Variants in SCRG1 observed in about 807,000 individuals in gnomAD.
SCRG1 encodes scrapie-responsive protein 1.
SCRG1 carries 3 observed loss-of-function variants against 7.7 expected under a neutral mutation model. The observed-to-expected ratio is 0.39, with a 90% confidence interval of 0.18 to 1.01. The LOEUF (loss-of-function observed/expected upper bound fraction) is 1.01, where lower values mean the gene tolerates loss of function less well. SCRG1 is among the 50% of genes least tolerant of loss of function. The pLI is 0.36. For missense variants in SCRG1, 110 were observed against 117.2 expected (o/e 0.94, Z 0.28); for synonymous variants, 46 against 41.2 (o/e 1.12, Z -0.44).
chr4:173,389,079 A>G (rs111806615), intron 2 of SCRG1, among the ~76,000 whole-genome samples: 2,861 of 152,276 alleles, frequency 0.019, 90 homozygotes, highest in African/African-American at 0.065. Flanking sequence ...AAAAAAGCAA[A>G]CATGGCATTT....
chr4:173,483,990 A>G, the SCRG1 span, among the ~76,000 whole-genome samples: 1 of 61,764 alleles, frequency 1.6e-5, no homozygotes, highest in African/African-American at 5.1e-5. Flanking sequence ...AGTATATTAT[A>G]TATGATATAT....
chr4:173,435,043 A>T, the SCRG1 span, among the ~76,000 whole-genome samples: 4 of 152,090 alleles, frequency 2.6e-5, no homozygotes, highest in Admixed American at 1.3e-4. Flanking sequence ...GATCAAAGAA[A>T]TCCAATGATT....
the SCRG1 span, among the ~76,000 whole-genome samples, chr4:173,504,386 T>TCGTCACCAC: frequency 6.6e-6 from 1 of 152,054 alleles, no homozygotes; most frequent in Non-Finnish European, 1.5e-5. This position sits in a 1 kb window ranked among gnomAD's most constrained non-coding sequence, Gnocchi z 4.7. Flanking sequence ...CTACCCCAAC[T>TCGTCACCAC]CGTCACCACC....
At chr4:173,405,185 G>A (rs1178123959) in intron 1 of SCRG1, among the ~76,000 whole-genome samples, 1 of 152,098 alleles carries the variant, frequency 6.6e-6, no homozygotes, top group Non-Finnish European at 1.5e-5. Context: ...TGATGACTTT[G>A]ACCGTTTTGA....
chr4:173,446,302 A>G, the SCRG1 span, among the ~76,000 whole-genome samples: 2 of 152,108 alleles, frequency 1.3e-5, no homozygotes, highest in African/African-American at 2.4e-5. Flanking sequence ...TGATGGTGCA[A>G]AAGCAATGCT....
At chr4:173,464,070 T>C in the SCRG1 span, among the ~76,000 whole-genome samples, 1 of 152,094 alleles carries the variant, frequency 6.6e-6, no homozygotes, top group Admixed American at 6.6e-5. Flanking sequence ...TCTATTTCAG[T>C]GGAAGGGTGG....
the SCRG1 span, among the ~76,000 whole-genome samples, chr4:173,442,650 C>T: frequency 1.3e-5 from 2 of 152,152 alleles, no homozygotes; most frequent in Non-Finnish European, 2.9e-5. Flanking sequence ...TTGTAAAGAA[C>T]AGAAGTTTAC....
At chr4:173,509,648 C>T in the SCRG1 span, among the ~76,000 whole-genome samples, 3 of 152,130 alleles carry the variant, frequency 2.0e-5, no homozygotes, top group African/African-American at 4.8e-5. This position sits in a 1 kb window ranked among gnomAD's most constrained non-coding sequence, Gnocchi z 5.7. Context: ...CGGCCGGAAC[C>T]CGCTCCTGGG....
chr4:173,458,006 A>G, the SCRG1 span, among the ~76,000 whole-genome samples: 3 of 152,212 alleles, frequency 2.0e-5, no homozygotes. Flanking sequence ...GGCACCTGGC[A>G]GGCATGAGAG....
chr4:173,484,436 CATATGATATATAATATATATTATATA>C, the SCRG1 span, among the ~76,000 whole-genome samples: 1 of 50,592 alleles, frequency 2.0e-5, no homozygotes, highest in African/African-American at 8.4e-5. Flanking sequence ...ATATTATATA[CATATGATATATAATATATATTATATA>C]CATATAATAT....
At chr4:173,417,878 G>A in the SCRG1 span, among the ~76,000 whole-genome samples, 1 of 152,216 alleles carries the variant, frequency 6.6e-6, no homozygotes, top group South Asian at 2.1e-4. Flanking sequence ...GTAATTTTAT[G>A]TCTGTGTTTC....
the SCRG1 span, among the ~76,000 whole-genome samples, chr4:173,479,127 G>C: frequency 2.0e-5 from 3 of 151,968 alleles, no homozygotes; most frequent in Non-Finnish European, 4.4e-5. Context: ...ATTCTACACC[G>C]CTCCAATTCT....
chr4:173,453,300 A>G, the SCRG1 span, among the ~76,000 whole-genome samples: 53 of 152,384 alleles, frequency 3.5e-4, no homozygotes, highest in Middle Eastern at 3.4e-3. Flanking sequence ...AAACGCAGTC[A>G]GTATCCCTGC....
the SCRG1 span, among the ~76,000 whole-genome samples, chr4:173,488,919 T>C: frequency 2.6e-5 from 4 of 152,160 alleles, no homozygotes; most frequent in Non-Finnish European, 5.9e-5. Flanking sequence ...AAACAATGCA[T>C]GAAAAGATGG....
chr4:173,447,155 G>A, the SCRG1 span, among the ~76,000 whole-genome samples: 2 of 152,164 alleles, frequency 1.3e-5, no homozygotes, highest in African/African-American at 2.4e-5. Context: ...CACGATCAGG[G>A]TGTTAGCATG....
intron 1 of SCRG1, among the ~76,000 whole-genome samples, chr4:173,394,513 G>A (rs1052898376): frequency 5.9e-5 from 9 of 152,110 alleles, no homozygotes; most frequent in East Asian, 3.9e-4. Flanking sequence ...GCGTGGTGGC[G>A]AGCGCCTGTA....
At chr4:173,454,357 C>A in the SCRG1 span, among the ~76,000 whole-genome samples, 17 of 152,036 alleles carry the variant, frequency 1.1e-4, no homozygotes, top group Admixed American at 1.1e-3. Flanking sequence ...TAACCAGCAA[C>A]ACAGAGGAGG....
chr4:173,429,219 G>A, the SCRG1 span, among the ~76,000 whole-genome samples: 1 of 152,092 alleles, frequency 6.6e-6, no homozygotes, highest in Admixed American at 6.5e-5. Context: ...TTTTATTTTT[G>A]CAAAACTGAT....
chr4:173,454,605 A>G, the SCRG1 span, among the ~76,000 whole-genome samples: 1 of 152,230 alleles, frequency 6.6e-6, no homozygotes, highest in Non-Finnish European at 1.5e-5. Flanking sequence ...GTGGCACTTC[A>G]TAACCTTTCT....
Sources: gnomAD v4.1 joint callset for allele counts (sites outside exome capture counted in the v4.1 genomes callset) on GRCh38, gnomAD v4.1.1 for gene constraint, Gnocchi (gnomAD v3.1) non-coding constraint, MANE v1.5 for transcripts, NCBI Gene and HGNC (gene_info 2026-07-23, HGNC 2026-07-21) for gene names.